Variants in A2ML1 observed in about 807,000 individuals in gnomAD.
A2ML1 encodes alpha-2-macroglobulin like 1, also known as alpha-2-macroglobulin-like protein 1.
In A2ML1, 161 loss-of-function variants were observed where a neutral mutation model predicts 181.9. The observed-to-expected ratio is 0.89, with a 90% CI of 0.78 to 1.01. The LOEUF (loss-of-function observed/expected upper bound fraction) is 1.01, where lower values mean the gene tolerates loss of function less well. Among genes scored for constraint, A2ML1 ranks in the 50% least tolerant of loss-of-function variants. The probability of loss-of-function intolerance (pLI) is 0.00; values close to 1 mark genes in which losing one functional copy is unlikely to be tolerated. For missense variants in A2ML1, 1,670 were observed against 1,768.1 expected (o/e 0.94, Z 1.00); for synonymous variants, 663 against 666.8 (o/e 0.99, Z 0.09).
At chr12:8,856,781 T>C (rs927380318) in intron 23 of A2ML1, among the ~76,000 whole-genome samples, 1 of 152,166 alleles carries the variant, frequency 6.6e-6, no homozygotes, top group African/African-American at 2.4e-5. Context: ...TGTATTAAAA[T>C]TGTTTATAAT....
At chr12:8,859,528 C>A (rs886687358) in intron 26 of A2ML1, among the ~76,000 whole-genome samples, 2 of 152,034 alleles carry the variant, frequency 1.3e-5, no homozygotes, top group Non-Finnish European at 2.9e-5. Context: ...AAGGACTTGA[C>A]TAGAGCAAGA....
Position 8,838,452 on chromosome 12 carries a change from TAAG to T in A2ML1, c.970+3_970+5del. 6.2e-7 allele frequency: 1 copy of T among 1,610,948 alleles called. No individual in the cohort carries two copies. The highest frequency in any genetic ancestry group is 8.5e-7 in the Non-Finnish European group (1 of 1,177,822). ...CTACTGTTGTGGAGGAAGGGACAGGTAAGTAGGGTGCTCCTTGGCTCATTAAGA... is the reference window on the plus strand; with the variant it reads ...CTACTGTTGTGGAGGAAGGGACAGGTTAGGGTGCTCCTTGGCTCATTAAGA... On this transcript the variant is annotated splice_donor_5th_base_variant and intron_variant, in intron 9 of 35. Transcript: ENST00000299698.
At chr12:8,827,803 A>T (rs1423713659) in intron 3 of A2ML1, among the ~76,000 whole-genome samples, 1 of 152,116 alleles carries the variant, frequency 6.6e-6, no homozygotes, top group African/African-American at 2.4e-5. Flanking sequence ...TGGACTCTGC[A>T]GTTCATCTGC....
chr12:8,834,652 T>C lies in A2ML1; in HGVS notation c.463-10T>C, dbSNP rs369358231. 2 of 1,614,046 alleles carry C rather than the reference T, an allele frequency of 1.2e-6. No individual in the cohort carries two copies. The highest frequency in any genetic ancestry group is 1.7e-6 in the Non-Finnish European group (2 of 1,180,034). On this transcript the variant is annotated splice_polypyrimidine_tract_variant and intron_variant, in intron 4 of 35. Transcript: ENST00000299698. ...TTCTTTAACCCGCATTATCTGGTTT[T>C]CCTTTTCAGTACTCCATGGTGGAAC...
In A2ML1 at chr12:8,844,012, G is replaced by A. The variant is rs201003647; in HGVS notation, c.1476+651G>A. 7.9e-5 allele frequency among the ~76,000 whole-genome samples: 12 copies of A among 152,088 alleles called. No homozygotes were observed. In the East Asian group the frequency reaches 9.7e-4, roughly 12 times the overall value. ...TGGGATTACAGGCATGAGCCACCGC[G>A]CCCGGCCTCAAGTATTCAATATTCC... On this transcript the variant is annotated intron_variant, in intron 12 of 35. Coordinates refer to ENST00000299698, the MANE Select transcript of A2ML1 (RefSeq NM_144670.6).
At chr12:8,832,974 C>G (rs1388145754) in intron 4 of A2ML1, among the ~76,000 whole-genome samples, 2 of 54,014 alleles carry the variant, frequency 3.7e-5, no homozygotes, top group African/African-American at 5.9e-5. Flanking sequence ...GGAAATGCTA[C>G]TTTCCTTTTT....
Position 8,846,006 on chromosome 12 carries a change from C to T in A2ML1, c.1538-71C>T, listed in dbSNP as rs1943670855. 1.9e-6 allele frequency: 3 copies of T among 1,579,088 alleles called. No homozygotes were observed. The African/African-American group carries it at 4.0e-5, about 21-fold the overall frequency. On this transcript the variant is annotated intron_variant, in intron 13 of 35. Transcript: ENST00000299698. ...GCCTGCACTGGCTCAGTGAAAAGTACATATGGTTAGATGCCGTTGGCAGGT... is the reference window on the plus strand; with the variant it reads ...GCCTGCACTGGCTCAGTGAAAAGTATATATGGTTAGATGCCGTTGGCAGGT...
chr12:8,823,972 T>G (rs1942837458), intron 3 of A2ML1, 90 bp downstream of exon 3: 1 of 1,458,104 alleles, frequency 6.9e-7, no homozygotes. Flanking sequence ...GACAGTAGGC[T>G]TTGGAAAAAA....
intron 9 of A2ML1, among the ~76,000 whole-genome samples, chr12:8,838,791 G>A (rs1297402334): frequency 6.6e-6 from 1 of 151,934 alleles, no homozygotes; most frequent in South Asian, 2.1e-4. Context: ...GGGGGCGCCT[G>A]TAGTCCCAGC....
chr12:8,836,432 C>A, intron 7 of A2ML1, 93 bp downstream of exon 7: 3 of 1,007,640 alleles, frequency 3.0e-6, no homozygotes, highest in Non-Finnish European at 4.5e-6. Flanking sequence ...ATGGGTGGGC[C>A]AAAACTTGGG....
intron 15 of A2ML1, among the ~76,000 whole-genome samples, chr12:8,847,917 A>G (rs931097028): frequency 6.6e-6 from 1 of 151,894 alleles, no homozygotes; most frequent in African/African-American, 2.4e-5. Flanking sequence ...AGGCTGGCAG[A>G]TCACCTGAGG....
chr12:8,830,348 A>G (rs1943071054), intron 4 of A2ML1, among the ~76,000 whole-genome samples: 1 of 152,100 alleles, frequency 6.6e-6, no homozygotes, highest in Non-Finnish European at 1.5e-5. Context: ...CACCATGCTC[A>G]GCCCCCTTTC....
At chr12:8,845,894 A>AAAATAAAAT (rs1270601435) in intron 13 of A2ML1, among the ~76,000 whole-genome samples, 183 bp from the exon 14 acceptor site, 2 of 87,044 alleles carry the variant, frequency 2.3e-5, no homozygotes, top group African/African-American at 3.4e-5. Flanking sequence ...TAAAATAAAA[A>AAAATAAAAT]AATTCTTATC....
chr12:8,874,370 AC>A, intron 33 of A2ML1, 54 bp from the exon 34 acceptor site: 1 of 1,355,888 alleles, frequency 7.4e-7, no homozygotes. Flanking sequence ...CACATTGCAT[AC>A]AGTGTAATTT....
chr12:8,868,128 T>C, intron 30 of A2ML1, 71 bp downstream of exon 30: 1 of 1,601,726 alleles, frequency 6.2e-7, no homozygotes, highest in Admixed American at 1.7e-5. Flanking sequence ...CCTTAGGCCT[T>C]CTCTCTCTCT....
At chr12:8,883,349 A>G (rs1226347704) in intron 7 of A2ML1, among the ~76,000 whole-genome samples, 1 of 152,206 alleles carries the variant, frequency 6.6e-6, no homozygotes, top group Non-Finnish European at 1.5e-5. Context: ...TATTTGGAGC[A>G]GCCACGTGCC....
rs752785897 is a variant in A2ML1, at chr12:8,854,869, C to T, written c.2764+38C>T. The T allele has an allele frequency of 6.3e-6, 10 of 1,599,880 alleles. No homozygotes were observed. In the South Asian group the frequency reaches 8.9e-5, roughly 14 times the overall value. ...AGAGCAGGATTGGTGGTGAGAATTC[C>T]CTTAGAGGGCAGGAGATTTTCTTTT... On this transcript the variant is annotated intron_variant, in intron 22 of 35. Coordinates refer to ENST00000299698, the MANE Select transcript of A2ML1 (RefSeq NM_144670.6).
downstream of A2ML1, among the ~76,000 whole-genome samples, chr12:8,877,938 G>A (rs1170959668): frequency 6.6e-6 from 1 of 152,134 alleles, no homozygotes; most frequent in Non-Finnish European, 1.5e-5. Flanking sequence ...CAGCCTAGAT[G>A]TTCATCAATG....
chr12:8,864,159 G>A, intron 29 of A2ML1, 151 bp downstream of exon 29: 2 of 673,466 alleles, frequency 3.0e-6, no homozygotes, highest in East Asian at 2.8e-5. Flanking sequence ...CATAAAATGG[G>A]TTATAAGAGC....
Sources: allele counts gnomAD v4.1 joint callset (sites outside exome capture counted in the v4.1 genomes callset), GRCh38; gene constraint gnomAD v4.1.1; transcripts MANE v1.5; gene names NCBI Gene and HGNC (gene_info 2026-07-23, HGNC 2026-07-21).